The following DCAF13 variants were observed in gnomAD, a reference collection of about 807,000 sequenced individuals.
The protein encoded by DCAF13 is DDB1- and CUL4-associated factor 13.
In DCAF13, 38 loss-of-function variants were observed where a neutral mutation model predicts 59.0. The observed-to-expected ratio is 0.64, with a 90% CI of 0.50 to 0.84. The LOEUF is 0.84. DCAF13 is among the 40% of genes least tolerant of loss of function. DCAF13 has a pLI of 0.00. For missense variants in DCAF13, 469 were observed against 558.4 expected (o/e 0.84, Z 1.61); for synonymous variants, 173 against 175.0 (o/e 0.99, Z 0.09).
At chr8:103,437,592 G>A (rs907215122) in intron 8 of DCAF13, among the ~76,000 whole-genome samples, 10 of 151,980 alleles carry the variant, frequency 6.6e-5, no homozygotes, top group Non-Finnish European at 1.0e-4. Context: ...ATGTGTTAAC[G>A]TCCTGTTGTG....
intron 6 of DCAF13, among the ~76,000 whole-genome samples, chr8:103,431,216 C>A (rs768892969): frequency 2.6e-5 from 4 of 152,136 alleles, no homozygotes; most frequent in Non-Finnish European, 5.9e-5. Context: ...GTAGTAATTT[C>A]AGGACTTACA....
intron 5 of DCAF13, 174 bp from the exon 6 acceptor site, chr8:103,430,438 G>A (rs7816297): frequency 0.23 from 105,962 of 456,620 alleles, 12,909 homozygotes; most frequent in East Asian, 0.37. Context: ...GGATTTTACA[G>A]TGAAAATACT....
chr8:103,431,696 A>G (rs1563505152), intron 6 of DCAF13, among the ~76,000 whole-genome samples: 1 of 152,136 alleles, frequency 6.6e-6, no homozygotes, highest in Non-Finnish European at 1.5e-5. Flanking sequence ...ATAAAACATG[A>G]TACTTTAAGC....
intron 8 of DCAF13, among the ~76,000 whole-genome samples, chr8:103,436,853 T>C (rs1378173526): frequency 6.6e-6 from 1 of 152,194 alleles, no homozygotes; most frequent in Non-Finnish European, 1.5e-5. Context: ...CTCAAAAAAT[T>C]ATGATAATTG....
Position 103,432,673 on chromosome 8 carries a change from G to T in DCAF13, c.717G>T (p.Met239Ile). 6.3e-7 allele frequency: 1 copy of T among 1,594,622 alleles called. No individual in the cohort carries two copies. The highest frequency in any genetic ancestry group is 1.1e-5 in the South Asian group (1 of 90,294). Reference sequence around the variant, plus strand: ...TCCTTTCTCAGGTTATCTTAGATATGAGAACAAATACAATCTGTTGGAACC... The same window carrying T: ...TCCTTTCTCAGGTTATCTTAGATATTAGAACAAATACAATCTGTTGGAACC... ...ATPLKKVILD[M>I]RTNTICWNPM... The change falls in exon 7 of 11, where the codon ATG becomes ATT. Residue 239 changes from methionine (M) to isoleucine (I), a missense_variant. Around this residue, in one of 3 missense-constraint regions of DCAF13, gnomAD observed 355 missense variants for 399.1 expected, o/e 0.89. Coordinates refer to ENST00000612750, the MANE Select transcript of DCAF13 (RefSeq NM_015420.7).
intron 9 of DCAF13, chr8:103,441,116 C>A (rs1439322368): frequency 3.6e-5 from 7 of 195,512 alleles, no homozygotes; most frequent in Non-Finnish European, 7.2e-5. Flanking sequence ...CACCTCTTTA[C>A]CCACCCCCAA....
rs1419354172 is a variant in DCAF13 at position 103,421,004 on chromosome 8, T to C, written c.300T>C (p.Asn100=). ...GAATTTGGAATCTAACTCAGCGGAA[T>C]TGTATCCGTACAATACAAGCACATG... ...EVRIWNLTQR[N]CIRTIQAHEG... The change falls in exon 3 of 11, where the codon AAT becomes AAC. Residue 100 remains asparagine (N), a synonymous_variant. Coordinates refer to ENST00000612750, the MANE Select transcript of DCAF13 (RefSeq NM_015420.7). 4.3e-6 allele frequency: 7 copies of C among 1,613,532 alleles called. No individual in the cohort carries two copies. Among genetic ancestry groups the C allele is most frequent in the African/African-American group, 2.7e-5 (2 of 75,044 alleles).
At position 103,430,684 on chromosome 8, in the gene DCAF13, A is replaced by G. The variant is rs1002889739; in HGVS notation, c.697A>G (p.Lys233Glu). 1.2e-6 allele frequency: 2 copies of G among 1,607,474 alleles called. No homozygotes were observed. The highest frequency in any genetic ancestry group is 2.7e-5 in the African/African-American group (2 of 74,748). The change falls in exon 6 of 11, where the codon AAA (lysine) becomes GAA (glutamate). Residue 233 changes from lysine (K) to glutamate (E), a missense_variant. Coordinates refer to ENST00000612750, the MANE Select transcript of DCAF13 (RefSeq NM_015420.7). The part of the protein sequence containing the change: ...LYDMRQATPL[K>E]KVILDMRTNT... ...CGATATGAGGCAAGCTACTCCTTTG[A>G]AAAAGGTGAGTTTCAGTTTTGACTT...
chr8:103,423,892 A>G (rs1360296152), intron 3 of DCAF13, among the ~76,000 whole-genome samples: 2 of 152,154 alleles, frequency 1.3e-5, no homozygotes, highest in Non-Finnish European at 2.9e-5. Flanking sequence ...TTAAAGAGAC[A>G]GAGTCTTGCT....
intron 2 of DCAF13, 111 bp downstream of exon 2, chr8:103,420,574 C>T: frequency 8.7e-7 from 1 of 1,155,928 alleles, no homozygotes; most frequent in East Asian, 2.6e-5. Flanking sequence ...CAATTTACTT[C>T]TCAAGACTAA....
chr8:103,426,333 C>A (rs1816792429), intron 4 of DCAF13, among the ~76,000 whole-genome samples, 188 bp downstream of exon 4: 1 of 150,164 alleles, frequency 6.7e-6, no homozygotes, highest in African/African-American at 2.4e-5. Flanking sequence ...AGAATTTTAA[C>A]AGTTTTTTTT....
At chr8:103,429,344 A>T (rs1245504228) in intron 5 of DCAF13, 11 of 152,194 alleles carry the variant, frequency 7.2e-5, no homozygotes, top group Admixed American at 6.5e-4. Flanking sequence ...TGATCATAAC[A>T]TTAGCTTTAT....
rs1354255158 is a variant in DCAF13 at position 103,442,990 on chromosome 8, G to A, written c.*108G>A. 2.8e-6 allele frequency: 2 copies of A among 715,754 alleles called. No individual in the cohort carries two copies. The highest frequency in any genetic ancestry group is 1.8e-5 in the African/African-American group (1 of 54,708). 44.3% of individuals were successfully genotyped at this position (715,754 alleles called of 1,614,324 possible). ...TTAATTGCAAACATTTTAGTTATAT[G>A]TGTAGAGCTTTATTGTTACTCCTTT... is the stretch of plus-strand genomic sequence containing the variant. On this transcript the variant is annotated 3_prime_UTR_variant, in exon 11 of 11. Coordinates refer to ENST00000612750, the MANE Select transcript of DCAF13 (RefSeq NM_015420.7).
chr8:103,425,070 C>T (rs773968470), intron 3 of DCAF13, among the ~76,000 whole-genome samples: 1 of 152,134 alleles, frequency 6.6e-6, no homozygotes, highest in South Asian at 2.1e-4. Context: ...TTGCAAGAAG[C>T]GTTTTCCTTT....
intron 7 of DCAF13, among the ~76,000 whole-genome samples, chr8:103,433,943 G>A (rs1816899337): frequency 6.6e-6 from 1 of 151,936 alleles, no homozygotes; most frequent in South Asian, 2.1e-4. Context: ...GATTTCTAAA[G>A]AATGTTCTAA....
chr8:103,430,831 G>T, intron 6 of DCAF13, 142 bp downstream of exon 6: 3 of 516,342 alleles, frequency 5.8e-6, no homozygotes, highest in Non-Finnish European at 6.7e-6. Context: ...TCTACATGAT[G>T]ATAGTCATGT....
intron 1 of DCAF13, 73 bp from the exon 2 acceptor site, chr8:103,420,191 C>T (rs1816702973): frequency 2.2e-6 from 3 of 1,344,130 alleles, no homozygotes; most frequent in East Asian, 4.6e-5. Context: ...TATTGAATAA[C>T]AGAGTGATTA....
chr8:103,417,164 C>T lies in DCAF13; in HGVS notation c.70+1648C>T, dbSNP rs73287947. ...TGATTGAAATCACATCTGTTAACCA[C>T]GAAACTTTGCAAAGTGGGGAATTGA... On this transcript the variant is annotated intron_variant, in intron 1 of 10. Transcript: ENST00000612750. 9.1e-4 allele frequency among the ~76,000 whole-genome samples: 139 copies of T among 152,226 alleles called. 1 individual carries two copies. Among genetic ancestry groups the T allele is most frequent in the African/African-American group, 3.0e-3 (124 of 41,534 alleles).
chr8:103,415,457 A>G lies in DCAF13; in HGVS notation c.11A>G (p.Lys4Arg), dbSNP rs369798614. The change falls in exon 1 of 11, where the codon AAG (lysine) becomes AGG (arginine). Residue 4 changes from lysine (K) to arginine (R), a missense_variant. Transcript: ENST00000612750. ...GGAAGAGCAACCGAGATGAAGGTGA[A>G]GATGCTGAGCCGGAATCCGGACAAT... MKV[K>R]MLSRNPDNYV... 14 of 1,613,922 alleles carry G rather than the reference A, an allele frequency of 8.7e-6. No homozygotes were observed. Among genetic ancestry groups the G allele is most frequent in the Admixed American group, 1.7e-5 (1 of 59,996 alleles).
Sources: gnomAD v4.1 joint callset for allele counts (sites outside exome capture counted in the v4.1 genomes callset) on GRCh38, gnomAD v4.1.1 for gene constraint, gnomAD v4.1.1 regional missense constraint, MANE v1.5 for transcripts, NCBI Gene and HGNC (gene_info 2026-07-23, HGNC 2026-07-21) for gene names.